Variants in COG1 observed in about 807,000 individuals in gnomAD.
COG1 encodes component of oligomeric golgi complex 1.
COG1 carries 61 observed loss-of-function variants against 102.2 expected under a neutral mutation model. The observed-to-expected ratio is 0.60, with a 90% confidence interval of 0.49 to 0.74. The LOEUF (loss-of-function observed/expected upper bound fraction) is 0.74, where lower values mean the gene tolerates loss of function less well. Among genes scored for constraint, COG1 ranks in the 30% least tolerant of loss-of-function variants. The probability of loss-of-function intolerance (pLI) is 0.00; values close to 1 mark genes in which losing one functional copy is unlikely to be tolerated. For synonymous variants in COG1, 454 were observed against 493.6 expected, an observed-to-expected ratio of 0.92 and a Z score of 1.06; for missense variants, 1,164 against 1,232.1, an observed-to-expected ratio of 0.94 and a Z score of 0.83.
In COG1 at chr17:73,197,037, C is replaced by T; in HGVS notation, c.698C>T (p.Ala233Val). Residue 233 changes from alanine (A) to valine (V), a missense_variant, in exon 3 of 14, where the codon GCC (alanine) becomes GTC (valine). Physicochemically the swap from Ala to Val is moderately conservative, Grantham distance 64. Coordinates refer to ENST00000299886, the MANE Select transcript of COG1 (RefSeq NM_018714.3). The stretch of plus-strand genomic sequence containing the variant: ...CAAGCCCTCACAGACTTCCTGCTGG[C>T]CAGAAAGGCAACTATTCAGAAACTT... ...PRQALTDFLL[A>V]RKATIQKLLN... The T allele has an allele frequency of 6.2e-7, 1 of 1,614,164 alleles. No individual in the cohort carries two copies. The highest frequency in any genetic ancestry group is 8.5e-7 in the Non-Finnish European group (1 of 1,180,026).
chr17:73,199,297 T>A (rs1197821558), intron 4 of COG1, among the ~76,000 whole-genome samples: 2 of 151,410 alleles, frequency 1.3e-5, no homozygotes, highest in Non-Finnish European at 2.9e-5. Context: ...CATTACCTTT[T>A]GCTTTTTTGA....
intron 5 of COG1, 56 bp from the exon 6 acceptor site, chr17:73,200,510 T>C (rs1277099627): frequency 7.0e-7 from 1 of 1,421,210 alleles, no homozygotes; most frequent in East Asian, 2.3e-5. Context: ...TTTTTCTTAA[T>C]AAAGATGTGA....
intron 4 of COG1, among the ~76,000 whole-genome samples, chr17:73,199,317 T>C (rs1213841259): frequency 7.7e-6 from 1 of 130,630 alleles, no homozygotes; most frequent in Non-Finnish European, 1.7e-5. Flanking sequence ...ACAACTTAAG[T>C]TCTACTTTGA....
chr17:73,202,737 G>T (rs976635764), intron 7 of COG1, among the ~76,000 whole-genome samples: 1 of 152,122 alleles, frequency 6.6e-6, no homozygotes, highest in Non-Finnish European at 1.5e-5. Flanking sequence ...GCAGTGAGCT[G>T]TGATTGTGCC....
chr17:73,203,210 A>T, intron 8 of COG1, 64 bp downstream of exon 8: 1 of 1,578,858 alleles, frequency 6.3e-7, no homozygotes, highest in Non-Finnish European at 8.6e-7. Context: ...GAAAGATTTT[A>T]GAAAATCATT....
intron 10 of COG1, 22 bp downstream of exon 10, chr17:73,205,702 T>C (rs770207851): frequency 6.2e-7 from 1 of 1,613,018 alleles, no homozygotes; most frequent in Non-Finnish European, 8.5e-7. Context: ...TCTAGGGAGC[T>C]ATGTCAAGGC....
chr17:73,198,541 GTGCCACTGCTTTCC>G (rs1378223329), intron 4 of COG1, among the ~76,000 whole-genome samples: 1 of 152,188 alleles, frequency 6.6e-6, no homozygotes, highest in Non-Finnish European at 1.5e-5. Context: ...AGCAGTGACT[GTGCCACTGCTTTCC>G]TGCCTGGGTG....
rs368856790 is a variant in COG1 at position 73,197,067 on chromosome 17, A to G, written c.728A>G (p.Asn243Ser). ...ARKATIQKLL[N>S]QPHHGAGIKA... ...AAGGCAACTATTCAGAAACTTCTCAACCAGCCACACCATGGTGGGTGTGGC... is the reference window on the plus strand; with the variant it reads ...AAGGCAACTATTCAGAAACTTCTCAGCCAGCCACACCATGGTGGGTGTGGC... The change falls in exon 3 of 14, where the codon AAC (asparagine) becomes AGC (serine). Residue 243 changes from asparagine (N) to serine (S), a missense_variant. By Grantham distance (46) the Asn-to-Ser change is conservative. Transcript: ENST00000299886. The G allele has an allele frequency of 1.1e-4, 179 of 1,612,136 alleles. No individual in the cohort carries two copies. The highest frequency in any genetic ancestry group is 1.5e-4 in the Non-Finnish European group (176 of 1,179,746).
intron 5 of COG1, 152 bp from the exon 6 acceptor site, chr17:73,200,414 T>G: frequency 1.2e-6 from 1 of 845,142 alleles, no homozygotes; most frequent in Middle Eastern, 3.4e-4. Context: ...AAACGCTCTG[T>G]GTTGCTACAG....
At chr17:73,207,103 A>G in intron 12 of COG1, 78 bp from the exon 13 acceptor site, 1 of 1,245,834 alleles carries the variant, frequency 8.0e-7, no homozygotes, top group Non-Finnish European at 1.1e-6. Flanking sequence ...AAAAAAAAAA[A>G]AAAAAAAAAA....
rs2061356277 is a variant in COG1, at chr17:73,203,678, T to G, written c.2267T>G (p.Ile756Ser). 1 of 1,614,062 alleles carries G rather than the reference T, an allele frequency of 6.2e-7. No homozygotes were observed. ...TTCCTGTTTAGTTTATGCCAGGAAATTAATCGGGTTGGAGGCCATGCCTTG... is the reference window on the plus strand; with the variant it reads ...TTCCTGTTTAGTTTATGCCAGGAAAGTAATCGGGTTGGAGGCCATGCCTTG... ...QSFLFSLCQE[I>S]NRVGGHALPK... Residue 756 changes from isoleucine (I) to serine (S), a missense_variant, in exon 9 of 14, where the codon ATT becomes AGT. Physicochemically the swap from Ile to Ser is moderately radical, Grantham distance 142. Coordinates refer to ENST00000299886, the MANE Select transcript of COG1 (RefSeq NM_018714.3).
intron 1 of COG1, 169 bp from the exon 2 acceptor site, chr17:73,196,338 C>T: frequency 2.0e-6 from 2 of 991,898 alleles, no homozygotes; most frequent in Admixed American, 3.8e-5. Flanking sequence ...ACACTCCTGA[C>T]TCTGGCAACT....
intron 1 of COG1, among the ~76,000 whole-genome samples, 173 bp downstream of exon 1, chr17:73,193,557 C>G (rs1480489184): frequency 1.3e-5 from 2 of 152,208 alleles, no homozygotes; most frequent in Admixed American, 6.5e-5. Flanking sequence ...ACAGTGCCAG[C>G]CTTCCTTGCA....
chr17:73,207,533 G>T (rs774987929), intron 13 of COG1: 37 of 603,232 alleles, frequency 6.1e-5, no homozygotes, highest in Non-Finnish European at 9.1e-5. Flanking sequence ...ATTTAGTAGG[G>T]TGAAAGAGTT....
chr17:73,197,344 A>T lies in COG1; in HGVS notation c.861A>T (p.Pro287=). The T allele has an allele frequency of 7.4e-6, 12 of 1,614,194 alleles. No homozygotes were observed. Among genetic ancestry groups the T allele is most frequent in the Non-Finnish European group, 9.3e-6 (11 of 1,180,032 alleles). The change falls in exon 4 of 14, where the codon CCA becomes CCT. Residue 287 remains proline, a synonymous_variant. Coordinates refer to ENST00000299886, the MANE Select transcript of COG1 (RefSeq NM_018714.3). ...GACTGCTGCCAGATCCAGCCCTGCC[A>T]TGTGGCTTGCTCTTCTCTACTCTGG... The part of the protein sequence containing the change: ...PEGLLPDPAL[P]CGLLFSTLET...
rs2061367739 is a variant in COG1, at chr17:73,205,714, G to T, written c.2510+34G>T. On this transcript the variant is annotated intron_variant, in intron 10 of 13. Transcript: ENST00000299886. ...TCCTCTAGGGAGCTATGTCAAGGCG[G>T]TCTCTTCCAAAAGCAAATAGTCCCT... 3 of 1,612,478 alleles carry T rather than the reference G, an allele frequency of 1.9e-6. No homozygotes were observed. In the African/African-American group the frequency reaches 4.0e-5, roughly 21 times the overall value.
chr17:73,204,386 C>G (rs2061359465), intron 9 of COG1, among the ~76,000 whole-genome samples: 1 of 151,894 alleles, frequency 6.6e-6, no homozygotes, highest in African/African-American at 2.4e-5. Context: ...CCACAGCACA[C>G]CTACCTCAGG....
chr17:73,206,690 C>G lies in COG1; in HGVS notation c.2620-18C>G, dbSNP rs746174674. 4 of 1,537,180 alleles carry G rather than the reference C, an allele frequency of 2.6e-6. No homozygotes were observed. The highest frequency in any genetic ancestry group is 3.6e-6 in the Non-Finnish European group (4 of 1,113,154). ...TTACCTGCACAATGAAACCTCTGCT[C>G]CACCTCTTGTCTGCCAGGTTCTGTT... is the stretch of plus-strand genomic sequence containing the variant. On this transcript the variant is annotated intron_variant, in intron 11 of 13. Transcript: ENST00000299886.
In COG1 at chr17:73,193,266, T is replaced by C; in HGVS notation, c.197T>C (p.Ile66Thr). 2 of 1,606,432 alleles carry C rather than the reference T, an allele frequency of 1.2e-6. No individual in the cohort carries two copies. The highest frequency in any genetic ancestry group is 1.1e-5 in the South Asian group (1 of 89,786). ...YRDLIEAADT[I>T]GQMRRCAVGL... Reference sequence around the variant, plus strand: ...GACCTGATCGAGGCGGCCGACACCATCGGCCAGATGCGCCGCTGCGCCGTG... The same window carrying C: ...GACCTGATCGAGGCGGCCGACACCACCGGCCAGATGCGCCGCTGCGCCGTG... Residue 66 changes from isoleucine (I) to threonine (T), a missense_variant, in exon 1 of 14, where the codon ATC becomes ACC. Transcript: ENST00000299886.
Sources: gnomAD v4.1 joint callset for allele counts (sites outside exome capture counted in the v4.1 genomes callset) on GRCh38, gnomAD v4.1.1 for gene constraint, MANE v1.5 for transcripts, NCBI Gene and HGNC (gene_info 2026-07-23, HGNC 2026-07-21) for gene names.